Variants in HSPBAP1 observed in about 807,000 individuals in gnomAD.
The protein encoded by HSPBAP1 is HSPB1 associated protein 1, also known as HSPB1-associated protein 1.
Under a neutral mutation model 45.2 loss-of-function variants are expected in HSPBAP1, and 27 were observed. That is an observed-to-expected ratio of 0.60 (90% confidence interval 0.44 to 0.82). The LOEUF is 0.82. HSPBAP1 is among the 40% of genes least tolerant of loss of function. The probability of loss-of-function intolerance (pLI) is 0.00; values close to 1 mark genes in which losing one functional copy is unlikely to be tolerated. For missense variants in HSPBAP1, 510 were observed against 590.9 expected, an observed-to-expected ratio of 0.86 and a Z score of 1.42; for synonymous variants, 204 against 202.7, an observed-to-expected ratio of 1.01 and a Z score of -0.06.
intron 3 of HSPBAP1, among the ~76,000 whole-genome samples, chr3:122,764,413 G>A (rs1217210669): frequency 6.6e-6 from 1 of 152,038 alleles, no homozygotes; most frequent in East Asian, 1.9e-4. Flanking sequence ...TAATCTCTCT[G>A]GCCCTCTACT....
chr3:122,741,005 C>T lies in HSPBAP1; in HGVS notation c.934G>A (p.Glu312Lys). Residue 312 changes from glutamate to lysine, a missense_variant and splice_region_variant, in exon 7 of 8, where the codon GAG (glutamate) becomes AAG (lysine). By Grantham distance (56) the Glu-to-Lys change is moderately conservative. Transcript: ENST00000306103. ...QNTRAWLNPT[E>K]VEETSHAVNC... is the part of the protein sequence containing the mutation. ...GATGAAGACCAGAAGCCGCCTACCT[C>T]AGTGGGGTTTAACCAGGCTCTGGTA... 3 of 1,613,672 alleles carry T rather than the reference C, an allele frequency of 1.9e-6. No homozygotes were observed. The South Asian group carries it at 3.3e-5, about 18-fold the overall frequency.
intron 1 of HSPBAP1, among the ~76,000 whole-genome samples, chr3:122,780,430 G>A (rs1329183997): frequency 8.6e-6 from 1 of 115,622 alleles, no homozygotes; most frequent in African/African-American, 3.4e-5. Flanking sequence ...GGGCAGAGGG[G>A]CTCCTCACTT....
At chr3:122,791,086 T>G (rs1222566959) in intron 1 of HSPBAP1, among the ~76,000 whole-genome samples, 1 of 152,212 alleles carries the variant, frequency 6.6e-6, no homozygotes, top group African/African-American at 2.4e-5. Flanking sequence ...TCTACACATA[T>G]TAACTCTAAT....
chr3:122,782,815 A>T (rs1034002421), intron 1 of HSPBAP1, among the ~76,000 whole-genome samples: 1 of 152,218 alleles, frequency 6.6e-6, no homozygotes, highest in Non-Finnish European at 1.5e-5. Flanking sequence ...AGGAAGAGGG[A>T]TAGGGAAGGA....
chr3:122,777,366 T>C (rs191383011), intron 2 of HSPBAP1, among the ~76,000 whole-genome samples: 2 of 152,304 alleles, frequency 1.3e-5, no homozygotes, highest in Admixed American at 1.3e-4. Flanking sequence ...AGATTAGTAT[T>C]GGTCTAATAG....
chr3:122,752,706 G>T, intron 5 of HSPBAP1, 32 bp from the exon 6 acceptor site: 1 of 1,540,818 alleles, frequency 6.5e-7, no homozygotes, highest in Non-Finnish European at 8.8e-7. Flanking sequence ...GTTAGCACAA[G>T]AACAGGACGT....
intron 3 of HSPBAP1, among the ~76,000 whole-genome samples, chr3:122,762,798 A>G (rs1413220230): frequency 6.6e-6 from 1 of 152,208 alleles, no homozygotes; most frequent in African/African-American, 2.4e-5. Context: ...AATATAATCA[A>G]TCTTGATAAA....
intron 3 of HSPBAP1, among the ~76,000 whole-genome samples, chr3:122,762,740 G>A (rs878915972): frequency 2.6e-5 from 4 of 152,148 alleles, no homozygotes; most frequent in Non-Finnish European, 5.9e-5. Flanking sequence ...AACATAATTT[G>A]TATGAGTTAA....
intron 1 of HSPBAP1, among the ~76,000 whole-genome samples, chr3:122,791,466 G>A (rs1337735852): frequency 6.6e-6 from 1 of 152,216 alleles, no homozygotes; most frequent in Non-Finnish European, 1.5e-5. Flanking sequence ...TATGTGCCTG[G>A]CATTGTACTA....
At chr3:122,781,544 A>AG (rs925494561) in intron 1 of HSPBAP1, among the ~76,000 whole-genome samples, 4 of 152,160 alleles carry the variant, frequency 2.6e-5, no homozygotes, top group African/African-American at 9.7e-5. Flanking sequence ...GGCAGACCGT[A>AG]GGAGAGGGAG....
chr3:122,792,126 T>C (rs1044732283), intron 1 of HSPBAP1, among the ~76,000 whole-genome samples: 10 of 152,192 alleles, frequency 6.6e-5, no homozygotes, highest in East Asian at 3.8e-4. Flanking sequence ...GAATTTGTCA[T>C]TGGAGAACGT....
intron 3 of HSPBAP1, among the ~76,000 whole-genome samples, chr3:122,764,202 C>T (rs1203734027): frequency 3.3e-5 from 5 of 152,224 alleles, no homozygotes; most frequent in African/African-American, 1.2e-4. Flanking sequence ...AAACTGCTAA[C>T]ATAGTGCTGA....
At chr3:122,750,500 A>T (rs1320988320) in intron 6 of HSPBAP1, among the ~76,000 whole-genome samples, 1 of 137,658 alleles carries the variant, frequency 7.3e-6, no homozygotes, top group East Asian at 2.1e-4. Context: ...ATGAATTAGA[A>T]ATATAAATAC....
chr3:122,788,387 A>G (rs913664195), intron 1 of HSPBAP1, among the ~76,000 whole-genome samples: 1 of 152,212 alleles, frequency 6.6e-6, no homozygotes, highest in Non-Finnish European at 1.5e-5. Flanking sequence ...AAATGTTTCC[A>G]TTGAACCCCA....
intron 1 of HSPBAP1, 96 bp downstream of exon 1, chr3:122,793,521 G>A (rs1210642619): frequency 4.9e-6 from 5 of 1,014,518 alleles, no homozygotes; most frequent in Non-Finnish European, 7.8e-6. Flanking sequence ...AGAGAGACCT[G>A]GGTTGGGGCT....
chr3:122,788,522 T>A (rs1221035577), intron 1 of HSPBAP1, among the ~76,000 whole-genome samples: 2 of 152,212 alleles, frequency 1.3e-5, no homozygotes, highest in African/African-American at 2.4e-5. Context: ...GCAGCACTAT[T>A]ACAATAGCTA....
chr3:122,766,821 C>T (rs974000), intron 3 of HSPBAP1, among the ~76,000 whole-genome samples: 65,912 of 152,104 alleles, frequency 0.43, 15,551 homozygotes, highest in South Asian at 0.55. Flanking sequence ...CTCTTTGGGT[C>T]TCATTTTTCT....
chr3:122,765,595 GA>G (rs1329046354), intron 3 of HSPBAP1, among the ~76,000 whole-genome samples: 2 of 140,782 alleles, frequency 1.4e-5, no homozygotes, highest in Non-Finnish European at 3.1e-5. Flanking sequence ...AAAAAAAAAA[GA>G]GAAAAAGAAA....
intron 5 of HSPBAP1, chr3:122,753,126 G>T (rs1934218549): frequency 2.5e-6 from 1 of 407,186 alleles, no homozygotes; most frequent in Non-Finnish European, 3.3e-6. Flanking sequence ...TAAATCAGGG[G>T]ACAATGGTGT....
Sources: gnomAD v4.1 joint callset for allele counts (sites outside exome capture counted in the v4.1 genomes callset) on GRCh38, gnomAD v4.1.1 for gene constraint, MANE v1.5 for transcripts, NCBI Gene and HGNC (gene_info 2026-07-23, HGNC 2026-07-21) for gene names.